Variants in STUM observed in about 807,000 individuals in gnomAD.
STUM encodes the protein stum, mechanosensory transduction mediator homolog.
A neutral mutation model predicts 15.3 loss-of-function variants in STUM; 8 were observed. The observed-to-expected ratio is 0.52, with a 90% confidence interval of 0.31 to 0.94. The LOEUF (loss-of-function observed/expected upper bound fraction) is 0.94. Among genes scored for constraint, STUM ranks in the 40% least tolerant of loss-of-function variants. STUM has a pLI of 0.05. For synonymous variants in STUM, 78 were observed against 88.7 expected, an observed-to-expected ratio of 0.88 and a Z score of 0.68; for missense variants, 142 against 204.9, an observed-to-expected ratio of 0.69 and a Z score of 1.87.
chr1:226,552,822 A>G lies in STUM; in HGVS notation c.202+3716A>G, dbSNP rs1667392514. ...CCTCCTGGCATCTTTTGTATCATAGATTTTTTGTTGCTGTTTTGAGACTTT... is the reference window on the plus strand; with the variant it reads ...CCTCCTGGCATCTTTTGTATCATAGGTTTTTTGTTGCTGTTTTGAGACTTT... On this transcript the variant is annotated intron_variant, in intron 1 of 3. Coordinates refer to ENST00000366788, the MANE Select transcript of STUM (RefSeq NM_001003665.4). This position sits in a 1 kb window ranked among gnomAD's most constrained non-coding sequence, Gnocchi z 4.7. Among the ~76,000 whole-genome samples the G allele has an allele frequency of 1.3e-5, 2 of 152,144 alleles. No homozygotes were observed. The highest frequency in any genetic ancestry group is 4.8e-5 in the African/African-American group (2 of 41,416).
chr1:226,582,087 C>T (rs1173099655), intron 1 of STUM, among the ~76,000 whole-genome samples: 5 of 152,224 alleles, frequency 3.3e-5, no homozygotes, highest in Non-Finnish European at 7.3e-5. Context: ...TCCCCAGCCT[C>T]CTCCTGGAAG....
chr1:226,549,141 AC>A lies in STUM; in HGVS notation c.202+39del. The A allele has an allele frequency of 6.6e-7, 1 of 1,524,414 alleles. No individual in the cohort carries two copies. The highest frequency in any genetic ancestry group is 1.4e-5 in the African/African-American group (1 of 69,198). The allele number at this position is 1,524,414 out of a possible 1,614,324, so 94.4% of individuals were successfully genotyped here. ...GGCTGCCGCGACCCTTGCGACCCCC[AC>A]CCCGCCGCGGGAGGGCGTGGGGGGA... On this transcript the variant is annotated intron_variant, in intron 1 of 3. Coordinates refer to ENST00000366788, the MANE Select transcript of STUM (RefSeq NM_001003665.4). The surrounding 1 kb of genome is among the most constrained non-coding windows in gnomAD (Gnocchi z 6.8).
Position 226,594,950 on chromosome 1 carries a change from C to T in STUM, c.203-1852C>T, listed in dbSNP as rs559743230. Among the ~76,000 whole-genome samples the T allele has an allele frequency of 1.1e-4, 17 of 152,360 alleles. No individual in the cohort carries two copies. The South Asian group carries it at 2.1e-3, about 19-fold the overall frequency. ...GGATTACAGGCATGAGCCACTGCGC[C>T]GAGCCCTGGAAGGGGACTTATGAGG... On this transcript the variant is annotated intron_variant, in intron 1 of 3. Coordinates refer to ENST00000366788, the MANE Select transcript of STUM (RefSeq NM_001003665.4).
intron 1 of STUM, among the ~76,000 whole-genome samples, chr1:226,556,277 T>G (rs982578349): frequency 5.9e-5 from 9 of 152,230 alleles, no homozygotes; most frequent in Non-Finnish European, 1.0e-4. Flanking sequence ...CATTTCACTC[T>G]TAACATGCTC....
rs1667319487 is a variant in STUM at position 226,548,871 on chromosome 1, C to G, written c.-34C>G. The G allele has an allele frequency of 3.0e-6, 4 of 1,313,120 alleles. No homozygotes were observed. Among genetic ancestry groups the G allele is most frequent in the Non-Finnish European group, 3.8e-6 (4 of 1,039,206 alleles). 81.3% of individuals were successfully genotyped at this position (1,313,120 alleles called of 1,614,324 possible). A position where few individuals can be genotyped will look rare whatever the true frequency, so the allele number is the denominator to read the frequency against. On this transcript the variant is annotated 5_prime_UTR_variant, in exon 1 of 4. Transcript: ENST00000366788. ...CCGTACGCTGGGCGCCAGCTCCGGC[C>G]GTGCTGCCCGGCTGCCTGAGAGCGC...
Position 226,604,378 on chromosome 1 carries a change from C to T in STUM, c.*2338C>T, listed in dbSNP as rs974459696. ...TGCGCCCCCAGATCCTCCTCTCCCC[C>T]GAGGGCTGCGTCTCTAAACCTGGGA... On this transcript the variant is annotated 3_prime_UTR_variant, in exon 4 of 4. Transcript: ENST00000366788. This position sits in a 1 kb window ranked among gnomAD's most constrained non-coding sequence, Gnocchi z 4.7. 4 of 152,252 alleles carry T rather than the reference C, an allele frequency of 2.6e-5. No homozygotes were observed. Among genetic ancestry groups the T allele is most frequent in the Non-Finnish European group, 5.9e-5 (4 of 68,130 alleles). The allele number at this position is 152,252 out of a possible 1,614,324, so 9.4% of individuals were successfully genotyped here. A position where few individuals can be genotyped will look rare whatever the true frequency, so the allele number is the denominator to read the frequency against.
Position 226,599,439 on chromosome 1 carries a change from T to C in STUM, c.383-1227T>C, listed in dbSNP as rs572007579. ...AACTTGTGTGTCTGAGAGTGACTCC[T>C]TTGAAGGGAATTATCACAATGGACT... On this transcript the variant is annotated intron_variant, in intron 2 of 3. Transcript: ENST00000366788. Among the ~76,000 whole-genome samples the C allele has an allele frequency of 1.0e-3, 159 of 152,348 alleles. 1 individual carries two copies. The highest frequency in any genetic ancestry group is 1.6e-3 in the Non-Finnish European group (107 of 68,028).
At position 226,600,535 on chromosome 1, in the gene STUM, T is replaced by A; in HGVS notation, c.383-131T>A. ...CCACTGGCATGGCCCCTGTCCCATCTCCCAGGCCTCACCATGGATCTGCTT... is the reference window on the plus strand; with the variant it reads ...CCACTGGCATGGCCCCTGTCCCATCACCCAGGCCTCACCATGGATCTGCTT... On this transcript the variant is annotated intron_variant, in intron 2 of 3. Transcript: ENST00000366788. The surrounding 1 kb of genome is among the most constrained non-coding windows in gnomAD (Gnocchi z 5.2). 2.7e-6 allele frequency: 3 copies of A among 1,119,812 alleles called. No homozygotes were observed. Among genetic ancestry groups the A allele is most frequent in the Non-Finnish European group, 4.0e-6 (3 of 751,256 alleles). The allele number at this position is 1,119,812 out of a possible 1,614,324, so 69.4% of individuals were successfully genotyped here. A position where few individuals can be genotyped will look rare whatever the true frequency, so the allele number is the denominator to read the frequency against.
chr1:226,551,713 TG>T (rs1309366747), intron 1 of STUM, among the ~76,000 whole-genome samples: 1 of 152,260 alleles, frequency 6.6e-6, no homozygotes, highest in East Asian at 1.9e-4. Context: ...GGGGTTGTGA[TG>T]ATGAATAAAT....
intron 1 of STUM, among the ~76,000 whole-genome samples, chr1:226,575,241 T>C (rs1667790167): frequency 6.6e-6 from 1 of 152,240 alleles, no homozygotes; most frequent in Non-Finnish European, 1.5e-5. Context: ...CTATACAGAA[T>C]GGGCCAGGAC....
intron 1 of STUM, among the ~76,000 whole-genome samples, chr1:226,577,355 A>T (rs1279497152): frequency 1.3e-5 from 2 of 152,204 alleles, no homozygotes; most frequent in Non-Finnish European, 2.9e-5. Context: ...CCGGTTAAAA[A>T]AAAAAGTGAA....
At position 226,565,694 on chromosome 1, in the gene STUM, G is replaced by A. The variant is rs1667610574; in HGVS notation, c.202+16588G>A. ...GACTCCCTGCCCGGCTCCTGCCTGG[G>A]TAGTTCTGCATACCCCCCATCCTCC... is the stretch of plus-strand genomic sequence containing the variant. On this transcript the variant is annotated intron_variant, in intron 1 of 3. Transcript: ENST00000366788. This position sits in a 1 kb window ranked among gnomAD's most constrained non-coding sequence, Gnocchi z 4.4. 6.6e-6 allele frequency among the ~76,000 whole-genome samples: 1 copy of A among 152,124 alleles called. No homozygotes were observed. Among genetic ancestry groups the A allele is most frequent in the African/African-American group, 2.4e-5 (1 of 41,436 alleles).
intron 1 of STUM, among the ~76,000 whole-genome samples, chr1:226,586,987 C>G (rs542943933): frequency 6.6e-6 from 1 of 152,306 alleles, no homozygotes; most frequent in East Asian, 1.9e-4. Flanking sequence ...TCTGTCATGG[C>G]AGGCTCGCAG....
At chr1:226,585,752 G>A (rs752078420) in intron 1 of STUM, among the ~76,000 whole-genome samples, 5 of 152,194 alleles carry the variant, frequency 3.3e-5, no homozygotes, top group Non-Finnish European at 7.3e-5. Flanking sequence ...TAGGTACTTC[G>A]TAAGTGCCAG....
chr1:226,590,760 G>T (rs989930569), intron 1 of STUM, among the ~76,000 whole-genome samples: 4 of 152,180 alleles, frequency 2.6e-5, no homozygotes, highest in Admixed American at 6.5e-5. Context: ...ACTGTGCACC[G>T]CTTAGCTCCA....
At chr1:226,582,223 C>A (rs1191747047) in intron 1 of STUM, among the ~76,000 whole-genome samples, 1 of 152,216 alleles carries the variant, frequency 6.6e-6, no homozygotes, top group Non-Finnish European at 1.5e-5. Flanking sequence ...TGGTTTTAAT[C>A]CTTGGTTCTT....
rs1037617505 is a variant in STUM, at chr1:226,604,813, T to G, written c.*2773T>G. The G allele has an allele frequency of 6.6e-6, 1 of 152,272 alleles. No individual in the cohort carries two copies. Among genetic ancestry groups the G allele is most frequent in the Non-Finnish European group, 1.5e-5 (1 of 68,146 alleles). 9.4% of individuals were successfully genotyped at this position (152,272 alleles called of 1,614,324 possible). On this transcript the variant is annotated 3_prime_UTR_variant, in exon 4 of 4. Transcript: ENST00000366788. The surrounding 1 kb of genome is among the most constrained non-coding windows in gnomAD (Gnocchi z 4.7). ...ATTCCAGGTTGGGGCCTTTTGTCGG[T>G]CGGAATTCAATAGGACATTCCCTGG...
At chr1:226,583,923 C>T (rs1007973145) in intron 1 of STUM, among the ~76,000 whole-genome samples, 4 of 152,160 alleles carry the variant, frequency 2.6e-5, no homozygotes, top group African/African-American at 9.7e-5. Flanking sequence ...ATTCTTCTTC[C>T]CCCTCCATTG....
In STUM at chr1:226,600,971, A is replaced by C. The variant is rs187526564; in HGVS notation, c.391+297A>C. 1.2e-3 allele frequency among the ~76,000 whole-genome samples: 184 copies of C among 152,286 alleles called. No individual in the cohort carries two copies. Among genetic ancestry groups the C allele is most frequent in the Non-Finnish European group, 2.2e-3 (152 of 68,026 alleles). On this transcript the variant is annotated intron_variant, in intron 3 of 3. Transcript: ENST00000366788. The surrounding 1 kb of genome is among the most constrained non-coding windows in gnomAD (Gnocchi z 5.2). ...ACCCCAGCATGGGTTATTAGCACCC[A>C]AAATTGAGAAATACTCTGCTAAATG... is the stretch of plus-strand genomic sequence containing the variant.
Sources: allele counts gnomAD v4.1 joint callset (sites outside exome capture counted in the v4.1 genomes callset), GRCh38; gene constraint gnomAD v4.1.1; non-coding constraint Gnocchi (gnomAD v3.1); transcripts MANE v1.5; gene names NCBI Gene and HGNC (gene_info 2026-07-23, HGNC 2026-07-21).